Variants in RAD51B observed in about 807,000 individuals in gnomAD.
The protein encoded by RAD51B is RAD51 paralog B, also known as DNA repair protein RAD51 homolog 2.
Under a neutral mutation model 42.2 loss-of-function variants are expected in RAD51B, and 38 were observed. The ratio of observed to expected loss-of-function variants is 0.90; its 90% CI spans 0.70 to 1.18. The LOEUF (loss-of-function observed/expected upper bound fraction) is 1.18, where lower values mean the gene tolerates loss of function less well. RAD51B is among the 50% of genes most tolerant of loss of function. The probability of loss-of-function intolerance (pLI) is 0.00; values close to 1 mark genes in which losing one functional copy is unlikely to be tolerated. For missense variants in RAD51B, 373 were observed against 400.7 expected (o/e 0.93, Z 0.59); for synonymous variants, 154 against 145.2 (o/e 1.06, Z -0.43).
intron 4 of RAD51B, among the ~76,000 whole-genome samples, chr14:67,845,962 C>T (rs1486904330): frequency 6.6e-6 from 1 of 152,122 alleles, no homozygotes; most frequent in African/African-American, 2.4e-5. Context: ...TGAATTCAGG[C>T]CCCCAGCTTT....
At chr14:68,272,712 G>A (rs1232078606) in intron 7 of RAD51B, among the ~76,000 whole-genome samples, 2 of 57,312 alleles carry the variant, frequency 3.5e-5, no homozygotes, top group African/African-American at 1.2e-4. Flanking sequence ...TTGAGATGGA[G>A]TCTCTCTCTG....
chr14:68,622,232 C>T (rs188223090), intron 10 of RAD51B, among the ~76,000 whole-genome samples: 19 of 152,318 alleles, frequency 1.2e-4, no homozygotes, highest in Middle Eastern at 3.4e-3. Context: ...CCTTCACAGA[C>T]GCCAGATGCT....
At chr14:68,383,661 A>G (rs1436981643) in intron 8 of RAD51B, among the ~76,000 whole-genome samples, 1 of 152,082 alleles carries the variant, frequency 6.6e-6, no homozygotes, top group Non-Finnish European at 1.5e-5. Context: ...AAAAAACACA[A>G]TGAATTTCTA....
chr14:67,960,843 A>AT (rs1382635160), intron 7 of RAD51B, among the ~76,000 whole-genome samples: 1 of 151,634 alleles, frequency 6.6e-6, no homozygotes, highest in African/African-American at 2.4e-5. Flanking sequence ...TAATTTTTTA[A>AT]TTTTTTGTAG....
intron 10 of RAD51B, among the ~76,000 whole-genome samples, chr14:68,603,279 T>C (rs568567878): frequency 6.6e-6 from 1 of 152,222 alleles, no homozygotes; most frequent in Non-Finnish European, 1.5e-5. Flanking sequence ...GCGTCACTTA[T>C]GAAATCATAA....
intron 10 of RAD51B, chr14:68,541,122 G>A: frequency 1.0e-6 from 1 of 985,476 alleles, no homozygotes; most frequent in Non-Finnish European, 1.2e-6. Context: ...CAGATGTGTA[G>A]GTTTAGGCTC....
chr14:67,934,381 G>A (rs1028400130), intron 7 of RAD51B, among the ~76,000 whole-genome samples: 1 of 152,144 alleles, frequency 6.6e-6, no homozygotes, highest in Non-Finnish European at 1.5e-5. Flanking sequence ...AAGTAAACAG[G>A]CGTACTGTGA....
chr14:68,080,486 T>C (rs2076896253), intron 7 of RAD51B, among the ~76,000 whole-genome samples: 1 of 152,218 alleles, frequency 6.6e-6, no homozygotes, highest in Non-Finnish European at 1.5e-5. Flanking sequence ...TGAGTGTCTA[T>C]CAAAACCCAG....
At chr14:68,577,733 C>A (rs1284993161) in intron 10 of RAD51B, among the ~76,000 whole-genome samples, 1 of 152,010 alleles carries the variant, frequency 6.6e-6, no homozygotes, top group Non-Finnish European at 1.5e-5. Context: ...GTGTTTATCA[C>A]CTCTCTCATC....
chr14:68,503,309 T>C (rs1047802862), intron 10 of RAD51B, among the ~76,000 whole-genome samples: 5 of 152,156 alleles, frequency 3.3e-5, no homozygotes, highest in African/African-American at 1.2e-4. Flanking sequence ...CATGAGAACA[T>C]TTCAGAAGCA....
At position 67,842,847 on chromosome 14, in the gene RAD51B, C is replaced by T. The variant is rs146305394; in HGVS notation, c.315+7651C>T. On this transcript the variant is annotated intron_variant, in intron 4 of 10. Coordinates refer to ENST00000471583, the MANE Select transcript of RAD51B (RefSeq NM_133510.4). ...TTAGTATTTTGAGGTATGTTCATTT[C>T]GATGCCTAGTCTGTTGAGGGTTTTT... 9.0e-3 allele frequency among the ~76,000 whole-genome samples: 1,362 copies of T among 152,178 alleles called. 15 individuals are homozygous for T. The highest frequency in any genetic ancestry group is 0.011 in the Non-Finnish European group (726 of 67,986).
Position 68,182,075 on chromosome 14 carries a change from G to A in RAD51B, c.757-109809G>A, listed in dbSNP as rs116403235. On this transcript the variant is annotated intron_variant, in intron 7 of 10. Coordinates refer to ENST00000471583, the MANE Select transcript of RAD51B (RefSeq NM_133510.4). ...GAGAATACAGTGGGTTAGGTGAAGA[G>A]GTGCTTGAGAAGCCTTGGTGTCTAA... 5.0e-3 allele frequency among the ~76,000 whole-genome samples: 764 copies of A among 152,268 alleles called. 6 individuals are homozygous for A. The highest frequency in any genetic ancestry group is 0.017 in the African/African-American group (721 of 41,550).
intron 7 of RAD51B, among the ~76,000 whole-genome samples, chr14:68,201,241 T>C (rs2079479116): frequency 1.3e-5 from 2 of 152,220 alleles, no homozygotes; most frequent in African/African-American, 4.8e-5. Context: ...ATTTGCATCT[T>C]ATGAGAGCAA....
chr14:68,052,136 A>G (rs990721892), intron 7 of RAD51B, among the ~76,000 whole-genome samples: 2 of 152,202 alleles, frequency 1.3e-5, no homozygotes, highest in Non-Finnish European at 2.9e-5. Context: ...CAATGAGGAC[A>G]TTAACTATCA....
chr14:68,647,713 T>C (rs1449384082), intron 10 of RAD51B, among the ~76,000 whole-genome samples: 2 of 152,098 alleles, frequency 1.3e-5, no homozygotes, highest in Admixed American at 6.6e-5. Context: ...GTTGTTGTTG[T>C]TGTTGCCCAG....
At chr14:68,631,732 G>C (rs1892232160) in intron 10 of RAD51B, among the ~76,000 whole-genome samples, 1 of 152,144 alleles carries the variant, frequency 6.6e-6, no homozygotes, top group Non-Finnish European at 1.5e-5. Context: ...CCCTCTGCTG[G>C]GAGTGTCTGT....
At chr14:68,043,600 T>C (rs11623355) in intron 7 of RAD51B, among the ~76,000 whole-genome samples, 42,472 of 152,106 alleles carry the variant, frequency 0.28, 7,864 homozygotes, top group African/African-American at 0.53. Flanking sequence ...GTGTCTGTAT[T>C]ACTTTCTCTA....
chr14:68,106,933 G>A (rs1384665022), intron 7 of RAD51B, among the ~76,000 whole-genome samples: 2 of 151,770 alleles, frequency 1.3e-5, no homozygotes, highest in African/African-American at 4.8e-5. Context: ...TGCAAGGCAG[G>A]TATTGTCTTA....
At chr14:68,133,038 CA>C (rs2077929871) in intron 7 of RAD51B, among the ~76,000 whole-genome samples, 1 of 151,994 alleles carries the variant, frequency 6.6e-6, no homozygotes, top group African/African-American at 2.4e-5. Context: ...AAGCAGTTCA[CA>C]GAAAAAAGAG....
Sources: allele counts gnomAD v4.1 joint callset (sites outside exome capture counted in the v4.1 genomes callset), GRCh38; gene constraint gnomAD v4.1.1; transcripts MANE v1.5; gene names NCBI Gene and HGNC (gene_info 2026-07-23, HGNC 2026-07-21).